Variants in IL1RAPL1 observed in about 807,000 individuals in gnomAD.
IL1RAPL1 encodes the protein interleukin 1 receptor accessory protein like 1, also known as interleukin-1 receptor accessory protein-like 1.
In IL1RAPL1, 3 loss-of-function variants were observed where a neutral mutation model predicts 48.4. The ratio of observed to expected loss-of-function variants is 0.06; its 90% confidence interval spans 0.03 to 0.16. IL1RAPL1 has a LOEUF of 0.16. Ranked by LOEUF, IL1RAPL1 falls within the 10% of genes least tolerant of loss-of-function variation. The probability of loss-of-function intolerance (pLI) is 1.00; values close to 1 mark genes in which losing one functional copy is unlikely to be tolerated. For synonymous variants in IL1RAPL1, 185 were observed against 187.7 expected (o/e 0.99, Z 0.12); for missense variants, 349 against 530.6 (o/e 0.66, Z 3.36).
At chrX:29,429,440 C>T (rs1466666438) in intron 5 of IL1RAPL1, among the ~76,000 whole-genome samples, 2 of 112,016 alleles carry the variant, frequency 1.8e-5, no homozygotes, top group African/African-American at 6.5e-5. Flanking sequence ...AACTTCCTTC[C>T]CTCCTTCTGT....
Position 28,873,519 on chromosome X carries a change from CTTTCT to C in IL1RAPL1, c.82+84098_82+84102del, listed in dbSNP as rs1922266458. Among the ~76,000 whole-genome samples, 8 of 67,387 alleles carry C rather than the reference CTTTCT, an allele frequency of 1.2e-4. 1 individual carries two copies. The highest frequency in any genetic ancestry group is 3.9e-4 in the African/African-American group (6 of 15,336). 58.5% of individuals were successfully genotyped at this position (67,387 alleles called of 115,157 possible). A position where few individuals can be genotyped will look rare whatever the true frequency, so the allele number is the denominator to read the frequency against. On this transcript the variant is annotated intron_variant, in intron 2 of 10. Coordinates refer to ENST00000378993, the MANE Select transcript of IL1RAPL1 (RefSeq NM_014271.4). Reference sequence around the variant, plus strand: ...TTTGTTCTCAATTATTGTTTTCTTTCTTTCTTTTTTTTTTTTTTTTTTTTTTTTTT... The same window carrying C: ...TTTGTTCTCAATTATTGTTTTCTTTCTTTTTTTTTTTTTTTTTTTTTTTTT...
At chrX:29,091,590 A>G (rs921101016) in intron 2 of IL1RAPL1, among the ~76,000 whole-genome samples, 1 of 111,905 alleles carries the variant, frequency 8.9e-6, no homozygotes, top group East Asian at 2.8e-4. Context: ...CTTTAAGTTC[A>G]TTAAAAGATA....
At chrX:29,671,810 C>T (rs1222623268) in intron 6 of IL1RAPL1, among the ~76,000 whole-genome samples, 2 of 112,036 alleles carry the variant, frequency 1.8e-5, no homozygotes, top group East Asian at 5.6e-4. Flanking sequence ...CATATTCTAT[C>T]GCTACCAGAC....
At chrX:29,413,007 G>A (rs1288151583) in intron 5 of IL1RAPL1, among the ~76,000 whole-genome samples, 1 of 111,912 alleles carries the variant, frequency 8.9e-6, no homozygotes, top group Non-Finnish European at 1.9e-5. Context: ...ATCTTAAATT[G>A]TAGCTCCCAT....
At chrX:28,968,663 A>G (rs1348891610) in intron 2 of IL1RAPL1, among the ~76,000 whole-genome samples, 1 of 112,895 alleles carries the variant, frequency 8.9e-6, no homozygotes, top group East Asian at 2.8e-4. Context: ...TTTCAAATAT[A>G]TAATAAATAT....
chrX:29,080,992 CTT>C (rs1175186651), intron 2 of IL1RAPL1, among the ~76,000 whole-genome samples: 1,594 of 39,245 alleles, frequency 0.041, 23 homozygotes, highest in Non-Finnish European at 0.049. Flanking sequence ...TTCTTTCTTT[CTT>C]TCTCTCTCTC....
intron 2 of IL1RAPL1, among the ~76,000 whole-genome samples, chrX:28,817,193 A>C (rs954058500): frequency 2.7e-5 from 3 of 110,820 alleles, no homozygotes; most frequent in African/African-American, 9.8e-5. Flanking sequence ...ATATATACTC[A>C]GTGATATTTT....
At chrX:29,615,439 C>T (rs763038542) in intron 5 of IL1RAPL1, among the ~76,000 whole-genome samples, 53 of 108,847 alleles carry the variant, frequency 4.9e-4, no homozygotes, top group Non-Finnish European at 8.4e-4. Context: ...GGAGAGGGGA[C>T]GGGAGAAAAA....
intron 3 of IL1RAPL1, among the ~76,000 whole-genome samples, chrX:29,336,532 G>T (rs1443614149): frequency 9.1e-6 from 1 of 109,381 alleles, no homozygotes; most frequent in Non-Finnish European, 1.9e-5. Context: ...GATTCCAAGC[G>T]TTGTGGCCAA....
chrX:29,878,475 G>A (rs1404731693), intron 6 of IL1RAPL1, among the ~76,000 whole-genome samples: 1 of 111,630 alleles, frequency 9.0e-6, no homozygotes, highest in South Asian at 3.7e-4. Flanking sequence ...TTGAGACATT[G>A]CCATGAACAA....
rs754230972 is a variant in IL1RAPL1, at chrX:29,193,608, AAGATT to A, written c.83-89327_83-89323del. Among the ~76,000 whole-genome samples, 444 of 110,982 alleles carry A rather than the reference AAGATT, an allele frequency of 4.0e-3. 3 individuals carry two copies. Among genetic ancestry groups the A allele is most frequent in the Middle Eastern group, 0.033 (7 of 214 alleles). On this transcript the variant is annotated intron_variant, in intron 2 of 10. Transcript: ENST00000378993. ...TTATTCTATAGATATAGTGTAGTAA[AAGATT>A]AGGGCAGGTTGGAGGCGGGTGTCAT...
chrX:28,937,383 G>A (rs1447928058), intron 2 of IL1RAPL1, among the ~76,000 whole-genome samples: 1 of 110,753 alleles, frequency 9.0e-6, no homozygotes, highest in Non-Finnish European at 1.9e-5. Flanking sequence ...ACTTGATTAA[G>A]GTAACTCCAG....
intron 5 of IL1RAPL1, among the ~76,000 whole-genome samples, chrX:29,614,162 A>G (rs1364749454): frequency 9.0e-6 from 1 of 111,277 alleles, no homozygotes; most frequent in African/African-American, 3.3e-5. Context: ...GAGAGATTTA[A>G]CTCATCTGGA....
At chrX:29,350,554 T>C (rs1261733638) in intron 3 of IL1RAPL1, among the ~76,000 whole-genome samples, 1 of 106,445 alleles carries the variant, frequency 9.4e-6, no homozygotes, top group Non-Finnish European at 1.9e-5. Flanking sequence ...GCATGTTCAA[T>C]TCATTGGTGT....
At chrX:29,265,568 C>T (rs1206501219) in intron 2 of IL1RAPL1, among the ~76,000 whole-genome samples, 1 of 102,795 alleles carries the variant, frequency 9.7e-6, no homozygotes, top group East Asian at 3.2e-4. Flanking sequence ...TGTGCTGCAC[C>T]CATTAACTTG....
chrX:28,902,574 C>A (rs776675720), intron 2 of IL1RAPL1, among the ~76,000 whole-genome samples: 1 of 112,118 alleles, frequency 8.9e-6, no homozygotes, highest in East Asian at 2.8e-4. Context: ...CTACTACTGT[C>A]TTTTCTATAT....
At chrX:29,147,271 C>A (rs1195522919) in intron 2 of IL1RAPL1, among the ~76,000 whole-genome samples, 1 of 112,116 alleles carries the variant, frequency 8.9e-6, no homozygotes, top group Non-Finnish European at 1.9e-5. Context: ...GCCACATTCC[C>A]ATCTTAATAG....
intron 6 of IL1RAPL1, among the ~76,000 whole-genome samples, chrX:29,803,421 GTGTATATA>G (rs1362499562): frequency 9.0e-5 from 8 of 88,983 alleles, no homozygotes; most frequent in East Asian, 3.6e-4. Context: ...ATGTGTATAT[GTGTATATA>G]TGTATACATC....
intron 5 of IL1RAPL1, among the ~76,000 whole-genome samples, chrX:29,432,806 A>G (rs1231462200): frequency 8.9e-6 from 1 of 111,835 alleles, no homozygotes; most frequent in Non-Finnish European, 1.9e-5. Context: ...TTTATCATTC[A>G]TGATGGAAAT....
Sources: allele counts gnomAD v4.1 joint callset (sites outside exome capture counted in the v4.1 genomes callset), GRCh38; gene constraint gnomAD v4.1.1; transcripts MANE v1.5; gene names NCBI Gene and HGNC (gene_info 2026-07-23, HGNC 2026-07-21).